Variants in ERC2 observed in about 807,000 individuals in gnomAD.
ERC2 encodes the protein ERC protein 2.
A neutral mutation model predicts 114.8 loss-of-function variants in ERC2; 42 were observed. That is an observed-to-expected ratio of 0.37 (90% CI 0.29 to 0.47). ERC2 has a LOEUF of 0.47. ERC2 is among the 20% of genes least tolerant of loss of function. The pLI is 0.99. For missense variants in ERC2, 939 were observed against 1,150.7 expected (o/e 0.82, Z 2.66); for synonymous variants, 454 against 425.5 (o/e 1.07, Z -0.82).
rs369666660 is a variant in ERC2, at chr3:55,850,934, C to T, written c.2564+37455G>A. Among the ~76,000 whole-genome samples the T allele has an allele frequency of 4.6e-5, 7 of 151,292 alleles. No individual in the cohort carries two copies. The East Asian group carries it at 9.8e-4, about 21-fold the overall frequency. On this transcript the variant is annotated intron_variant, in intron 14 of 17. Transcript: ENST00000288221. ...ACATTTGGTCTCTTCCTGTCAAGTT[C>T]CTGTCCTGCCTTCTAGCCTGACTTC...
intron 2 of ERC2, among the ~76,000 whole-genome samples, chr3:56,416,462 T>C (rs2061158859): frequency 6.6e-6 from 1 of 151,946 alleles, no homozygotes. Flanking sequence ...TTACCACCCT[T>C]CAAAGCTAAC....
chr3:55,899,520 A>G (rs932621254), intron 13 of ERC2, among the ~76,000 whole-genome samples: 2 of 152,024 alleles, frequency 1.3e-5, no homozygotes, highest in African/African-American at 2.4e-5. Flanking sequence ...TGTGAGAGAG[A>G]GAGTGTGTGT....
intron 3 of ERC2, among the ~76,000 whole-genome samples, chr3:56,255,362 C>T (rs1180773190): frequency 6.6e-6 from 1 of 152,232 alleles, no homozygotes; most frequent in Non-Finnish European, 1.5e-5. Context: ...CCTGGGCTTC[C>T]CTAGTTTTCC....
At chr3:56,022,026 C>A (rs568249607) in intron 7 of ERC2, among the ~76,000 whole-genome samples, 1 of 152,082 alleles carries the variant, frequency 6.6e-6, no homozygotes, top group Non-Finnish European at 1.5e-5. Flanking sequence ...AGTGCTGCAA[C>A]GAACATTCAC....
intron 14 of ERC2, among the ~76,000 whole-genome samples, chr3:55,739,484 T>C (rs1211706012): frequency 6.6e-6 from 1 of 152,228 alleles, no homozygotes; most frequent in Non-Finnish European, 1.5e-5. Flanking sequence ...TCATTGTGGT[T>C]TTGATTTGCA....
chr3:56,231,145 A>ATACATGTATCATAG (rs1443707226), intron 3 of ERC2, among the ~76,000 whole-genome samples: 2 of 152,230 alleles, frequency 1.3e-5, no homozygotes, highest in Non-Finnish European at 2.9e-5. Context: ...ATTATAATAT[A>ATACATGTATCATAG]TACATGTATC....
chr3:56,391,768 G>A (rs1014216449), intron 2 of ERC2, among the ~76,000 whole-genome samples: 2 of 152,118 alleles, frequency 1.3e-5, no homozygotes, highest in African/African-American at 4.8e-5. Context: ...CGATTATGGG[G>A]AACATCTCTC....
chr3:55,910,269 G>A (rs1325734882), intron 13 of ERC2, among the ~76,000 whole-genome samples: 1 of 152,012 alleles, frequency 6.6e-6, no homozygotes, highest in Non-Finnish European at 1.5e-5. Flanking sequence ...GTGTACGCCT[G>A]TAATCCCAGC....
intron 13 of ERC2, among the ~76,000 whole-genome samples, chr3:55,897,733 T>C (rs2063912352): frequency 6.6e-6 from 1 of 152,180 alleles, no homozygotes. Context: ...GGACTACTAA[T>C]CTTATTTTTC....
At chr3:55,997,927 T>G (rs1559997229) in intron 10 of ERC2, among the ~76,000 whole-genome samples, 9 of 68,540 alleles carry the variant, frequency 1.3e-4, no homozygotes, top group African/African-American at 3.7e-4. Flanking sequence ...TGTGTGTTTT[T>G]TGTTTTTTTT....
At position 55,618,239 on chromosome 3, in the gene ERC2, C is replaced by G. The variant is rs76103876; in HGVS notation, c.*39+65555G>C. On this transcript the variant is annotated intron_variant, in intron 17 of 17. Coordinates refer to ENST00000288221, the MANE Select transcript of ERC2 (RefSeq NM_015576.3). ...TTAAATTGGAAAAGCAAAGCAACAC[C>G]AAACAAAGAGACTTGGGGTAAGTAC... Among the ~76,000 whole-genome samples the G allele has an allele frequency of 9.7e-4, 147 of 152,066 alleles. 1 individual carries two copies. The Middle Eastern group carries it at 0.021, about 21-fold the overall frequency.
chr3:55,914,252 A>G (rs1433570415), intron 13 of ERC2, among the ~76,000 whole-genome samples: 4 of 152,106 alleles, frequency 2.6e-5, no homozygotes, highest in Non-Finnish European at 5.9e-5. Context: ...TTTCCCACCA[A>G]CCAGAGCCAC....
At chr3:56,225,816 G>C (rs887919999) in intron 3 of ERC2, among the ~76,000 whole-genome samples, 2 of 152,136 alleles carry the variant, frequency 1.3e-5, no homozygotes, top group Non-Finnish European at 2.9e-5. Context: ...ATGTTCTGAA[G>C]AAAAATAGGA....
intron 15 of ERC2, among the ~76,000 whole-genome samples, chr3:55,700,244 A>G (rs1244657835): frequency 6.6e-6 from 1 of 152,196 alleles, no homozygotes; most frequent in Non-Finnish European, 1.5e-5. Context: ...CAAGAAATGG[A>G]CCAGTGATGA....
At chr3:55,539,642 T>C (rs897118413) in intron 17 of ERC2, among the ~76,000 whole-genome samples, 1 of 151,670 alleles carries the variant, frequency 6.6e-6, no homozygotes, top group African/African-American at 2.4e-5. Flanking sequence ...TTAGCCAGGA[T>C]GGTCTTGATC....
chr3:55,728,667 C>A (rs958053919), intron 15 of ERC2, among the ~76,000 whole-genome samples: 1 of 152,164 alleles, frequency 6.6e-6, no homozygotes, highest in East Asian at 1.9e-4. Flanking sequence ...AGTTTGAAAA[C>A]AGCTGGCCTG....
intron 2 of ERC2, among the ~76,000 whole-genome samples, chr3:56,387,584 A>C (rs2059979510): frequency 6.6e-6 from 1 of 152,206 alleles, no homozygotes; most frequent in Admixed American, 6.5e-5. Context: ...CACCATGACA[A>C]CACTGTCGCC....
intron 7 of ERC2, among the ~76,000 whole-genome samples, chr3:56,065,424 G>C (rs953505892): frequency 2.6e-5 from 4 of 151,464 alleles, no homozygotes; most frequent in Admixed American, 2.6e-4. Flanking sequence ...GTCTCACTCT[G>C]TTCCCCGGGC....
rs575511811 is a variant in ERC2, at chr3:55,547,576, G to A, written c.*40-36300C>T. Among the ~76,000 whole-genome samples the A allele has an allele frequency of 3.6e-4, 55 of 152,194 alleles. 2 individuals carry two copies. The South Asian group carries it at 0.011, about 30-fold the overall frequency. The stretch of plus-strand genomic sequence containing the variant: ...CCTCTTTAGAATAATGAAGATGAAC[G>A]CTTCCTCCGTGGGGTAGCACACAAA... On this transcript the variant is annotated intron_variant, in intron 17 of 17. Transcript: ENST00000288221.
Sources: gnomAD v4.1 joint callset for allele counts (sites outside exome capture counted in the v4.1 genomes callset) on GRCh38, gnomAD v4.1.1 for gene constraint, MANE v1.5 for transcripts, NCBI Gene and HGNC (gene_info 2026-07-23, HGNC 2026-07-21) for gene names.